HBP1: variants seen among roughly 807,000 people sequenced by gnomAD.
HBP1 encodes the protein HMG box-containing protein 1.
A neutral mutation model predicts 62.6 loss-of-function variants in HBP1; 20 were observed. The ratio of observed to expected loss-of-function variants is 0.32; its 90% CI spans 0.22 to 0.46. The LOEUF is 0.46. Ranked by LOEUF, HBP1 falls within the 20% of genes least tolerant of loss-of-function variation. The pLI, the probability that HBP1 is intolerant of heterozygous loss-of-function variation, is 1.00. For synonymous variants in HBP1, 232 were observed against 206.2 expected (o/e 1.12, Z -1.07); for missense variants, 480 against 611.8 (o/e 0.78, Z 2.27).
intron 1 of HBP1, chr7:107,174,798 T>TA: frequency 1.1e-5 from 7 of 616,732 alleles, no homozygotes; most frequent in Non-Finnish European, 1.2e-5. Flanking sequence ...GCAGCTCACA[T>TA]CTGTATGTGA....
In HBP1 at chr7:107,186,307, T is replaced by C. The variant is rs867506293; in HGVS notation, c.541-54T>C. ...AAAGACGTGGGATGAAAACAGATAT[T>C]AAAAGGTATATTTTAAAAACAAATA... On this transcript the variant is annotated intron_variant, in intron 4 of 10. Transcript: ENST00000222574. 3 of 1,061,754 alleles carry C rather than the reference T, an allele frequency of 2.8e-6. No homozygotes were observed. The African/African-American group carries it at 4.8e-5, about 17-fold the overall frequency. 65.8% of individuals were successfully genotyped at this position (1,061,754 alleles called of 1,614,324 possible).
intron 9 of HBP1, chr7:107,196,361 C>T: frequency 1.8e-6 from 1 of 563,644 alleles, no homozygotes; most frequent in Non-Finnish European, 3.3e-6. Flanking sequence ...CTCCGCCTTC[C>T]AGGTTCAAGT....
At chr7:107,179,823 G>T in intron 1 of HBP1, 56 bp from the exon 2 acceptor site, 9 of 1,146,040 alleles carry the variant, frequency 7.9e-6, no homozygotes, top group Non-Finnish European at 1.0e-5. Flanking sequence ...TTAGGTTTGT[G>T]TACTGCCCAA....
intron 6 of HBP1, among the ~76,000 whole-genome samples, chr7:107,187,809 C>G (rs528489617): frequency 6.6e-6 from 1 of 152,272 alleles, no homozygotes. Flanking sequence ...ATTGTCTTCC[C>G]TTGATTTGTG....
intron 8 of HBP1, chr7:107,192,751 C>T (rs1317298971): frequency 1.3e-5 from 2 of 152,136 alleles, no homozygotes; most frequent in Non-Finnish European, 2.9e-5. Flanking sequence ...TGATGTTAGT[C>T]ATTGGTCTCA....
At chr7:107,192,528 G>C (rs1584497987) in intron 8 of HBP1, 1 of 152,036 alleles carries the variant, frequency 6.6e-6, no homozygotes, top group East Asian at 1.9e-4. Context: ...ATGGAACTTA[G>C]TGATACTGGA....
At chr7:107,186,061 A>G (rs994192959) in intron 4 of HBP1, 119 bp downstream of exon 4, 87 of 733,850 alleles carry the variant, frequency 1.2e-4, no homozygotes, top group Non-Finnish European at 3.2e-5. Context: ...GATTTTATAT[A>G]CAGCTCTGCT....
At chr7:107,180,126 C>G (rs1443373932) in intron 2 of HBP1, 64 bp downstream of exon 2, 3 of 1,023,382 alleles carry the variant, frequency 2.9e-6, no homozygotes, top group Non-Finnish European at 2.9e-6. Context: ...TCTACTTAGC[C>G]CGCTTCTCCA....
At position 107,182,401 on chromosome 7, in the gene HBP1, A is replaced by C. The variant is rs1270851644; in HGVS notation, c.198A>C (p.Gln66His). 6.2e-7 allele frequency: 1 copy of C among 1,612,222 alleles called. No individual in the cohort carries two copies. Among genetic ancestry groups the C allele is most frequent in the Non-Finnish European group, 8.5e-7 (1 of 1,178,400 alleles). ...ACCTTCCTGAACTTCAGGCAGTTCA[A>C]AGTGATCCTACCCAATCTGGCATGT... ...LDDLPELQAV[Q>H]SDPTQSGMYQ... Residue 66 changes from glutamine to histidine, a missense_variant, in exon 3 of 11, where the codon CAA becomes CAC. Gln to His is a conservative substitution (Grantham distance 24). This residue lies in a region of HBP1 where 304 missense variants were observed against 330.9 expected (regional missense o/e 0.92). Transcript: ENST00000222574.
chr7:107,172,800 C>T (rs116812198), intron 1 of HBP1, among the ~76,000 whole-genome samples: 1 of 151,462 alleles, frequency 6.6e-6, no homozygotes, highest in Non-Finnish European at 1.5e-5. Flanking sequence ...GCTATGTTGC[C>T]CTGGTTGGTC....
chr7:107,196,900 A>C (rs1407152937), intron 9 of HBP1: 3 of 152,394 alleles, frequency 2.0e-5, no homozygotes, highest in Admixed American at 1.3e-4. Context: ...CTGCCTCCCA[A>C]AGTGCAAGAT....
At chr7:107,185,598 G>A (rs894817209) in intron 3 of HBP1, among the ~76,000 whole-genome samples, 2 of 152,128 alleles carry the variant, frequency 1.3e-5, no homozygotes, top group African/African-American at 4.8e-5. Context: ...TGAAAAAAAC[G>A]ATGTCTAAAA....
At chr7:107,201,195 G>A in intron 10 of HBP1, 1 of 404,046 alleles carries the variant, frequency 2.5e-6, no homozygotes, top group Non-Finnish European at 4.5e-6. Flanking sequence ...GACTTTTCCT[G>A]TATCCCTTTT....
rs1163459963 is a variant in HBP1, at chr7:107,190,157, C to T, written c.923-16C>T. On this transcript the variant is annotated splice_polypyrimidine_tract_variant and intron_variant, in intron 7 of 10. Transcript: ENST00000222574. ...CTGTGAGTCCTCATCCTTTATGCAA[C>T]ATTGTTTAACTTTAGGTTGGTCATC... is the stretch of plus-strand genomic sequence containing the variant. The T allele has an allele frequency of 1.3e-6, 2 of 1,592,312 alleles. No individual in the cohort carries two copies. The highest frequency in any genetic ancestry group is 2.3e-5 in the East Asian group (1 of 43,986).
At chr7:107,200,625 C>T (rs1584510300) in intron 10 of HBP1, 1 of 180,688 alleles carries the variant, frequency 5.5e-6, no homozygotes, top group East Asian at 1.4e-4. Flanking sequence ...CCATTAATAT[C>T]ACAGTAGAAA....
chr7:107,183,083 A>G (rs1797185526), intron 3 of HBP1, among the ~76,000 whole-genome samples: 1 of 152,194 alleles, frequency 6.6e-6, no homozygotes, highest in African/African-American at 2.4e-5. Context: ...GTGGGTTCCC[A>G]TTGGTAAAAA....
chr7:107,200,197 A>G lies in HBP1; in HGVS notation c.1423A>G (p.Met475Val), dbSNP rs1291135415. Reference protein sequence around the residue: ...SVILGDRWKKMKNEERRMYTL... With the variant: ...SVILGDRWKKVKNEERRMYTL... ...GATCCTTGGTGACAGGTGGAAGAAA[A>G]TGAAGAATGAAGAGAGAAGAATGTA... is the stretch of plus-strand genomic sequence containing the variant. The change falls in exon 10 of 11, where the codon ATG (methionine) becomes GTG (valine). Residue 475 changes from methionine (M) to valine (V), a missense_variant. Physicochemically the swap from Met to Val is conservative, Grantham distance 21. Coordinates refer to ENST00000222574, the MANE Select transcript of HBP1 (RefSeq NM_012257.4). The G allele has an allele frequency of 6.2e-7, 1 of 1,608,432 alleles. No homozygotes were observed. The highest frequency in any genetic ancestry group is 1.1e-5 in the South Asian group (1 of 89,948).
chr7:107,192,830 T>C (rs1797718587), intron 8 of HBP1: 1 of 152,176 alleles, frequency 6.6e-6, no homozygotes, highest in South Asian at 2.1e-4. Flanking sequence ...AAATGGGTGG[T>C]ATCATCATGG....
rs938550980 is a variant in HBP1, at chr7:107,182,585, T to C, written c.382T>C (p.Cys128Arg). 5.1e-6 allele frequency: 8 copies of C among 1,576,658 alleles called. No homozygotes were observed. In the African/African-American group the frequency reaches 1.1e-4, roughly 21 times the overall value. ...ATSPQSPLMQ[C>R]SFYNRSSPVH... Reference sequence around the variant, plus strand: ...CAGTCCACAAAGTCCACTGATGCAGTGCTCATTTTACAATAGGTAGGAGCA... The same window carrying C: ...CAGTCCACAAAGTCCACTGATGCAGCGCTCATTTTACAATAGGTAGGAGCA... The change falls in exon 3 of 11, where the codon TGC (cysteine) becomes CGC (arginine). Residue 128 changes from cysteine to arginine, a missense_variant. Physicochemically the swap from Cys to Arg is radical, Grantham distance 180. Coordinates refer to ENST00000222574, the MANE Select transcript of HBP1 (RefSeq NM_012257.4).
Sources: gnomAD v4.1 joint callset for allele counts (sites outside exome capture counted in the v4.1 genomes callset) on GRCh38, gnomAD v4.1.1 for gene constraint, gnomAD v4.1.1 regional missense constraint, MANE v1.5 for transcripts, NCBI Gene and HGNC (gene_info 2026-07-23, HGNC 2026-07-21) for gene names.